Variants in CUX1 observed in about 807,000 individuals in gnomAD.
The protein encoded by CUX1 is cut like homeobox 1.
CUX1 carries 31 observed loss-of-function variants against 158.8 expected under a neutral mutation model. The observed-to-expected ratio is 0.20, with a 90% CI of 0.15 to 0.26. The LOEUF (loss-of-function observed/expected upper bound fraction) is 0.26. Among genes scored for constraint, CUX1 ranks in the 10% least tolerant of loss-of-function variants. CUX1 has a pLI of 1.00. For synonymous variants in CUX1, 879 were observed against 862.1 expected (o/e 1.02, Z -0.34); for missense variants, 1,589 against 2,014.6 (o/e 0.79, Z 4.04).
intron 3 of CUX1, among the ~76,000 whole-genome samples, chr7:102,038,808 A>G (rs1224162025): frequency 6.6e-6 from 1 of 152,020 alleles, no homozygotes. Flanking sequence ...TTAAAAAGTT[A>G]CCCAAGCATG....
intron 15 of CUX1, chr7:102,273,520 C>T: frequency 6.3e-7 from 1 of 1,592,152 alleles, no homozygotes; most frequent in Non-Finnish European, 8.6e-7. Context: ...GCCCCATGCC[C>T]ATCTCGATAC....
At chr7:101,925,328 C>T (rs1332865193) in intron 2 of CUX1, among the ~76,000 whole-genome samples, 3 of 152,170 alleles carry the variant, frequency 2.0e-5, no homozygotes, top group Non-Finnish European at 2.9e-5. Context: ...CCAGGTTGGT[C>T]TCAAACTCCT....
chr7:101,992,484 C>T (rs1053910693), intron 2 of CUX1, among the ~76,000 whole-genome samples: 15 of 152,150 alleles, frequency 9.9e-5, no homozygotes, highest in South Asian at 6.2e-4. Flanking sequence ...GATGCCCACC[C>T]GTGGGTGATG....
intron 13 of CUX1, 146 bp downstream of exon 13, chr7:102,194,036 G>A: frequency 1.3e-6 from 1 of 770,932 alleles, no homozygotes; most frequent in Non-Finnish European, 2.1e-6. Context: ...ATTTAACCAA[G>A]TTGAAGCAAA....
chr7:101,888,648 G>A (rs1800517353), intron 1 of CUX1, among the ~76,000 whole-genome samples: 1 of 152,018 alleles, frequency 6.6e-6, no homozygotes, highest in Non-Finnish European at 1.5e-5. Flanking sequence ...GGAGTGCGGT[G>A]GTGCAATCTC....
chr7:102,151,395 C>A lies in CUX1; in HGVS notation c.675-7165C>A, dbSNP rs9691195. On this transcript the variant is annotated intron_variant, in intron 8 of 23. Transcript: ENST00000292535. ...CGATAAAACCCCGTCTCTACTAAAA[C>A]TACAAAAATTAGCCGGGTGTGGTGG... is the stretch of plus-strand genomic sequence containing the variant. Among the ~76,000 whole-genome samples, 475 of 151,856 alleles carry A rather than the reference C, an allele frequency of 3.1e-3. 3 individuals are homozygous for A. The highest frequency in any genetic ancestry group is 0.011 in the African/African-American group (461 of 41,448).
At chr7:102,239,204 G>C (rs1197899221) in intron 22 of CUX1, 116 bp from the exon 23 acceptor site, 1 of 1,227,688 alleles carries the variant, frequency 8.1e-7, no homozygotes, top group Non-Finnish European at 1.1e-6. Flanking sequence ...AGTGTTTTGA[G>C]ATGCTCTATG....
chr7:102,000,489 C>T (rs1375142681), intron 2 of CUX1, among the ~76,000 whole-genome samples: 1 of 152,218 alleles, frequency 6.6e-6, no homozygotes, highest in Admixed American at 6.5e-5. Flanking sequence ...CAATCTCATA[C>T]CTGCAGAGCA....
At chr7:102,005,536 A>G (rs1482193009) in intron 2 of CUX1, among the ~76,000 whole-genome samples, 3 of 151,988 alleles carry the variant, frequency 2.0e-5, no homozygotes, top group Non-Finnish European at 4.4e-5. Flanking sequence ...TAGTCTCCCT[A>G]TCTTTCCCAG....
At chr7:101,995,970 G>A (rs143830955) in intron 2 of CUX1, among the ~76,000 whole-genome samples, 8 of 152,154 alleles carry the variant, frequency 5.3e-5, no homozygotes, top group East Asian at 1.9e-4. Context: ...AAAATTAGCC[G>A]GGCATGGTGG....
chr7:102,061,989 G>A (rs1824932462), intron 3 of CUX1, among the ~76,000 whole-genome samples: 2 of 152,186 alleles, frequency 1.3e-5, no homozygotes, highest in Admixed American at 1.3e-4. Context: ...TTGTTCATGT[G>A]TCATGTTGAC....
chr7:101,888,745 A>G (rs2131621142), intron 1 of CUX1, among the ~76,000 whole-genome samples: 1 of 152,024 alleles, frequency 6.6e-6, no homozygotes, highest in Non-Finnish European at 1.5e-5. Flanking sequence ...GCACACCACT[A>G]TACCCAGCTA....
At chr7:102,226,449 G>A in intron 20 of CUX1, among the ~76,000 whole-genome samples, 1 of 152,062 alleles carries the variant, frequency 6.6e-6, no homozygotes, top group East Asian at 1.9e-4. Context: ...AAAACAGCTG[G>A]GCATGGTGGT....
At chr7:102,263,847 C>G (rs1790602269) in intron 14 of CUX1, among the ~76,000 whole-genome samples, 1 of 151,724 alleles carries the variant, frequency 6.6e-6, no homozygotes, top group Non-Finnish European at 1.5e-5. Context: ...CGTGCATCAC[C>G]ATGCCCGGCT....
chr7:101,855,777 C>T (rs1485832143), intron 1 of CUX1, among the ~76,000 whole-genome samples: 1 of 150,606 alleles, frequency 6.6e-6, no homozygotes, highest in African/African-American at 2.4e-5. Flanking sequence ...ACTCGGGAGG[C>T]TGAGGCAGGG....
At chr7:102,259,119 A>G (rs782688915), downstream of CUX1, among the ~76,000 whole-genome samples, 4 of 152,198 alleles carry the variant, frequency 2.6e-5, no homozygotes, top group African/African-American at 9.7e-5. Context: ...CCCTCTCCCA[A>G]TTCAACTGGA....
chr7:101,915,060 A>G (rs1287205543), intron 1 of CUX1, among the ~76,000 whole-genome samples: 2 of 152,092 alleles, frequency 1.3e-5, no homozygotes, highest in African/African-American at 2.4e-5. Context: ...GCTTGGACTC[A>G]GGGTGATGGT....
intron 3 of CUX1, among the ~76,000 whole-genome samples, chr7:102,069,108 C>T (rs1016667506): frequency 2.0e-5 from 3 of 152,148 alleles, no homozygotes; most frequent in Non-Finnish European, 4.4e-5. Flanking sequence ...CCGCCCTCTC[C>T]TCCTCCTCGA....
In CUX1 at chr7:102,195,622, G is replaced by A. The variant is rs201535297; in HGVS notation, c.1222+19G>A. The A allele has an allele frequency of 4.4e-6, 7 of 1,586,474 alleles. No homozygotes were observed. The highest frequency in any genetic ancestry group is 1.7e-4 in the Middle Eastern group (1 of 6,022). Reference sequence around the variant, plus strand: ...CTGAGCGGTAGGTTGGCCGGGCTTCGCGCGTGTGCGGTGGTTGGTTCGCTT... The same window carrying A: ...CTGAGCGGTAGGTTGGCCGGGCTTCACGCGTGTGCGGTGGTTGGTTCGCTT... On this transcript the variant is annotated intron_variant, in intron 14 of 23. Coordinates refer to ENST00000292535, the MANE Select transcript of CUX1 (RefSeq NM_181552.4).
Sources: allele counts gnomAD v4.1 joint callset (sites outside exome capture counted in the v4.1 genomes callset), GRCh38; gene constraint gnomAD v4.1.1; transcripts MANE v1.5; gene names NCBI Gene and HGNC (gene_info 2026-07-23, HGNC 2026-07-21).